Variants in STUM observed in about 807,000 individuals in gnomAD.
STUM encodes stum, mechanosensory transduction mediator homolog.
STUM carries 8 observed loss-of-function variants against 15.3 expected under a neutral mutation model. That is an observed-to-expected ratio of 0.52 (90% CI 0.31 to 0.94). The LOEUF is 0.94. STUM is among the 40% of genes least tolerant of loss of function. The pLI is 0.05. For missense variants in STUM, 142 were observed against 204.9 expected (o/e 0.69, Z 1.87); for synonymous variants, 78 against 88.7 (o/e 0.88, Z 0.68).
intron 1 of STUM, among the ~76,000 whole-genome samples, chr1:226,571,556 T>G (rs187809585): frequency 1.6e-4 from 24 of 152,326 alleles, no homozygotes; most frequent in African/African-American, 5.1e-4. Context: ...TGCAAATTTT[T>G]TTTTTGCAGT....
At chr1:226,601,438 G>C (rs376060452) in intron 3 of STUM, among the ~76,000 whole-genome samples, 4 of 152,276 alleles carry the variant, frequency 2.6e-5, no homozygotes, top group Admixed American at 6.5e-5. Flanking sequence ...CCTAAATAAA[G>C]CAGTAACAAT....
chr1:226,582,000 C>T (rs1667925579), intron 1 of STUM, among the ~76,000 whole-genome samples: 1 of 152,222 alleles, frequency 6.6e-6, no homozygotes, highest in Admixed American at 6.5e-5. Flanking sequence ...TGCCCTGCCC[C>T]TCATTGACAT....
chr1:226,564,593 C>T (rs1332153865), intron 1 of STUM, among the ~76,000 whole-genome samples: 2 of 152,220 alleles, frequency 1.3e-5, no homozygotes, highest in African/African-American at 4.8e-5. Flanking sequence ...GTCTACCTGC[C>T]ACTCTAATTT....
intron 1 of STUM, among the ~76,000 whole-genome samples, chr1:226,557,061 A>G (rs1667458110): frequency 6.6e-6 from 1 of 152,086 alleles, no homozygotes; most frequent in African/African-American, 2.4e-5. Flanking sequence ...ACACTGTGCA[A>G]TAGAACTCAA....
chr1:226,549,597 C>T lies in STUM; in HGVS notation c.202+491C>T, dbSNP rs1356791750. Among the ~76,000 whole-genome samples, 4 of 152,188 alleles carry T rather than the reference C, an allele frequency of 2.6e-5. No individual in the cohort carries two copies. The highest frequency in any genetic ancestry group is 2.9e-5 in the Non-Finnish European group (2 of 68,038). On this transcript the variant is annotated intron_variant, in intron 1 of 3. Transcript: ENST00000366788. The surrounding 1 kb of genome is among the most constrained non-coding windows in gnomAD (Gnocchi z 6.8). ...AAGAGGACGAGCCGGGCTAGATATA[C>T]CTGCAGCCCCCTTTGGTTCGCGGAG...
chr1:226,598,257 C>T (rs974229910), intron 2 of STUM, among the ~76,000 whole-genome samples: 1 of 152,196 alleles, frequency 6.6e-6, no homozygotes, highest in Non-Finnish European at 1.5e-5. Context: ...GGCCTGTGCT[C>T]TGCAGGCTCC....
chr1:226,587,617 G>A (rs992536807), intron 1 of STUM, among the ~76,000 whole-genome samples: 1 of 152,092 alleles, frequency 6.6e-6, no homozygotes, highest in African/African-American at 2.4e-5. Flanking sequence ...GGAATGAAGA[G>A]GGTTTGTCCC....
intron 1 of STUM, among the ~76,000 whole-genome samples, chr1:226,583,010 G>A (rs567953397): frequency 6.6e-6 from 1 of 152,246 alleles, no homozygotes; most frequent in Non-Finnish European, 1.5e-5. Context: ...TCTTAGCTGG[G>A]ATGGCTAGAT....
chr1:226,557,987 T>C (rs1021361027), intron 1 of STUM, among the ~76,000 whole-genome samples: 3 of 152,186 alleles, frequency 2.0e-5, no homozygotes, highest in African/African-American at 4.8e-5. Context: ...GGTCGTACCT[T>C]AACACAATAA....
chr1:226,555,171 G>A (rs938069495), intron 1 of STUM, among the ~76,000 whole-genome samples: 2 of 152,124 alleles, frequency 1.3e-5, no homozygotes, highest in East Asian at 3.9e-4. Flanking sequence ...GCTCCCCAGG[G>A]CACTTGGTCT....
chr1:226,579,217 C>T (rs1202292953), intron 1 of STUM, among the ~76,000 whole-genome samples: 1 of 152,182 alleles, frequency 6.6e-6, no homozygotes, highest in African/African-American at 2.4e-5. Context: ...TAGAAGGAAA[C>T]TATCTTATCT....
intron 1 of STUM, among the ~76,000 whole-genome samples, chr1:226,584,324 C>A (rs1025044805): frequency 2.6e-5 from 4 of 152,242 alleles, no homozygotes; most frequent in African/African-American, 9.6e-5. Flanking sequence ...CAAGAGTATG[C>A]AGCTGAAGAT....
chr1:226,597,504 C>T (rs756147257), intron 2 of STUM: 11 of 471,042 alleles, frequency 2.3e-5, no homozygotes, highest in Non-Finnish European at 4.4e-5. Context: ...CTCATTGTGT[C>T]CTATACCCCC....
Position 226,567,590 on chromosome 1 carries a change from A to G in STUM, c.202+18484A>G, listed in dbSNP as rs1261635571. 6.6e-6 allele frequency among the ~76,000 whole-genome samples: 1 copy of G among 152,216 alleles called. No individual in the cohort carries two copies. The highest frequency in any genetic ancestry group is 1.5e-5 in the Non-Finnish European group (1 of 68,038). ...AAACAGGGGCTTGCCAGTAAACTTT[A>G]TTTCCCAGAGAATGAGCTATACAAA... On this transcript the variant is annotated intron_variant, in intron 1 of 3. Coordinates refer to ENST00000366788, the MANE Select transcript of STUM (RefSeq NM_001003665.4). The surrounding 1 kb of genome is among the most constrained non-coding windows in gnomAD (Gnocchi z 4.5).
At chr1:226,569,513 C>G (rs1407736092) in intron 1 of STUM, among the ~76,000 whole-genome samples, 1 of 152,198 alleles carries the variant, frequency 6.6e-6, no homozygotes, top group Non-Finnish European at 1.5e-5. Context: ...AGGGACATGG[C>G]TGATGTGCGG....
At chr1:226,553,751 T>A (rs2102684697) in intron 1 of STUM, among the ~76,000 whole-genome samples, 1 of 152,348 alleles carries the variant, frequency 6.6e-6, no homozygotes, top group Non-Finnish European at 1.5e-5. Context: ...TGTTTGGCTC[T>A]GCAGTAAAGA....
intron 1 of STUM, among the ~76,000 whole-genome samples, chr1:226,563,637 T>C (rs1667575906): frequency 6.6e-6 from 1 of 152,258 alleles, no homozygotes; most frequent in Non-Finnish European, 1.5e-5. Context: ...CAGATCCCAA[T>C]GCTGCAGAGC....
chr1:226,589,734 G>T (rs60706522), intron 1 of STUM, among the ~76,000 whole-genome samples: 1 of 152,114 alleles, frequency 6.6e-6, no homozygotes, highest in Non-Finnish European at 1.5e-5. Context: ...AACAGCATGC[G>T]CAGGGCCAGC....
intron 1 of STUM, among the ~76,000 whole-genome samples, chr1:226,571,033 C>T (rs925530016): frequency 1.3e-5 from 2 of 152,038 alleles, no homozygotes; most frequent in African/African-American, 4.8e-5. Context: ...GAGTTTGAGA[C>T]CAGCCTGGTC....
Sources: allele counts gnomAD v4.1 joint callset (sites outside exome capture counted in the v4.1 genomes callset), GRCh38; gene constraint gnomAD v4.1.1; non-coding constraint Gnocchi (gnomAD v3.1); transcripts MANE v1.5; gene names NCBI Gene and HGNC (gene_info 2026-07-23, HGNC 2026-07-21).